KCNH5: variants seen among roughly 807,000 people sequenced by gnomAD.
KCNH5 encodes potassium voltage-gated channel subfamily H member 5, also known as voltage-gated delayed rectifier potassium channel KCNH5.
In KCNH5, 46 loss-of-function variants were observed where a neutral mutation model predicts 96.1. The observed-to-expected ratio is 0.48, with a 90% CI of 0.38 to 0.61. The LOEUF is 0.61. Ranked by LOEUF, KCNH5 falls within the 20% of genes least tolerant of loss-of-function variation. KCNH5 has a pLI of 0.00. For missense variants in KCNH5, 907 were observed against 1,225.8 expected (o/e 0.74, Z 3.88); for synonymous variants, 439 against 449.8 (o/e 0.98, Z 0.30).
At chr14:62,995,477 A>T (rs902607307) in intron 4 of KCNH5, among the ~76,000 whole-genome samples, 3 of 152,108 alleles carry the variant, frequency 2.0e-5, no homozygotes, top group African/African-American at 7.2e-5. Flanking sequence ...TATTCACTTG[A>T]CCAAATTTCA....
intron 2 of KCNH5, among the ~76,000 whole-genome samples, chr14:63,012,372 C>T (rs1325857757): frequency 6.6e-6 from 1 of 152,136 alleles, no homozygotes. Flanking sequence ...GAGACAATAC[C>T]TAGCACACAT....
chr14:62,709,285 G>C, intron 10 of KCNH5, among the ~76,000 whole-genome samples: 1 of 143,336 alleles, frequency 7.0e-6, no homozygotes, highest in African/African-American at 2.5e-5. Context: ...GTATCAGATA[G>C]TAAGAATTCC....
intron 5 of KCNH5, among the ~76,000 whole-genome samples, chr14:62,986,026 T>G (rs1566731067): frequency 6.6e-6 from 1 of 152,186 alleles, no homozygotes; most frequent in Non-Finnish European, 1.5e-5. Flanking sequence ...TATTAACAAA[T>G]GTGTTCACTC....
At chr14:62,803,515 G>A (rs983627624) in intron 8 of KCNH5, among the ~76,000 whole-genome samples, 7 of 152,146 alleles carry the variant, frequency 4.6e-5, no homozygotes, top group African/African-American at 2.4e-5. Flanking sequence ...GGCAGGGTGG[G>A]TATGTTATTT....
intron 7 of KCNH5, among the ~76,000 whole-genome samples, chr14:62,945,428 A>G (rs562462182): frequency 3.1e-4 from 47 of 152,202 alleles, no homozygotes; most frequent in Non-Finnish European, 4.7e-4. Flanking sequence ...ATTCAAGGAC[A>G]GAAGATCTTC....
intron 10 of KCNH5, among the ~76,000 whole-genome samples, chr14:62,740,215 G>A (rs193012394): frequency 4.6e-5 from 7 of 152,186 alleles, no homozygotes; most frequent in East Asian, 3.9e-4. Context: ...CACAATATAC[G>A]GATGATGTGT....
At chr14:62,837,754 T>G (rs1388250415) in intron 8 of KCNH5, among the ~76,000 whole-genome samples, 1 of 152,192 alleles carries the variant, frequency 6.6e-6, no homozygotes, top group Non-Finnish European at 1.5e-5. Context: ...TCAAATTATA[T>G]GAATCAGTAA....
At chr14:62,714,988 G>A (rs961423911) in intron 10 of KCNH5, among the ~76,000 whole-genome samples, 2 of 152,074 alleles carry the variant, frequency 1.3e-5, no homozygotes, top group Admixed American at 6.6e-5. Context: ...TCAGCAAAGA[G>A]GTTTATTTCA....
intron 9 of KCNH5, among the ~76,000 whole-genome samples, chr14:62,786,744 C>T (rs1369265308): frequency 6.6e-6 from 1 of 152,084 alleles, no homozygotes; most frequent in Admixed American, 6.6e-5. Flanking sequence ...GTAATTCTCA[C>T]AGTATTTCTA....
chr14:62,986,753 C>G (rs958299817), intron 5 of KCNH5, among the ~76,000 whole-genome samples: 3 of 152,100 alleles, frequency 2.0e-5, no homozygotes. Context: ...TTGCAGAGTG[C>G]CAAGCACAGA....
rs142545255 is a variant in KCNH5, at chr14:62,977,145, C to T, written c.942+3727G>A. ...CAACACTTTGGGAGGCTGAGATGGG[C>T]GGATCACTTGAGGTCAGGAGTTCAA... is the stretch of plus-strand genomic sequence containing the variant. On this transcript the variant is annotated intron_variant, in intron 6 of 10. Transcript: ENST00000322893. Among the ~76,000 whole-genome samples, 535 of 152,046 alleles carry T rather than the reference C, an allele frequency of 3.5e-3. 4 individuals carry two copies. Among genetic ancestry groups the T allele is most frequent in the African/African-American group, 0.012 (510 of 41,466 alleles).
At chr14:62,982,990 T>A (rs7142940) in intron 5 of KCNH5, among the ~76,000 whole-genome samples, 1 of 151,984 alleles carries the variant, frequency 6.6e-6, no homozygotes, top group African/African-American at 2.4e-5. Flanking sequence ...GCTTTTCAAC[T>A]ACTGGCCTGT....
rs753288820 is a variant in KCNH5 at position 62,908,837 on chromosome 14, G to GTA, written c.1369+41294_1369+41295dup. On this transcript the variant is annotated intron_variant, in intron 7 of 10. Transcript: ENST00000322893. Reference sequence around the variant, plus strand: ...TTGCTGTAATAAATCTTAGTCATGAGTATCACAATATGGAGTCCTGTGACT... The same window carrying GTA: ...TTGCTGTAATAAATCTTAGTCATGAGTATATCACAATATGGAGTCCTGTGACT... Among the ~76,000 whole-genome samples the GTA allele has an allele frequency of 6.0e-5, 6 of 99,890 alleles. No homozygotes were observed. The East Asian group carries it at 1.7e-3, about 29-fold the overall frequency. 65.5% of individuals were successfully genotyped at this position (99,890 alleles called of 152,430 possible).
intron 7 of KCNH5, among the ~76,000 whole-genome samples, chr14:62,907,881 T>A (rs1432306601): frequency 6.6e-6 from 1 of 152,136 alleles, no homozygotes. Flanking sequence ...CAACCAATAG[T>A]CGATGTTCTC....
Position 62,980,994 on chromosome 14 carries a change from C to T in KCNH5, c.820G>A (p.Gly274Ser), listed in dbSNP as rs182494425. 2.2e-5 allele frequency: 35 copies of T among 1,614,088 alleles called. No individual in the cohort carries two copies. The highest frequency in any genetic ancestry group is 2.9e-5 in the Non-Finnish European group (34 of 1,180,016). ...LNFHTTFVGPGGEVISDPKLI... is the reference protein window; with the variant it reads ...LNFHTTFVGPSGEVISDPKLI... ...TTAGGGTCAGAAATGACCTCTCCACCGGGCCCCACGAAAGTCGTGTGAAAA... is the reference window on the plus strand; with the variant it reads ...TTAGGGTCAGAAATGACCTCTCCACTGGGCCCCACGAAAGTCGTGTGAAAA... The change falls in exon 6 of 11, where the codon GGT (glycine) becomes AGT (serine). Residue 274 changes from glycine to serine, a missense_variant. By Grantham distance (56) the Gly-to-Ser change is moderately conservative. Around this residue, in one of 6 missense-constraint regions of KCNH5, gnomAD observed 370 missense variants for 561.3 expected, o/e 0.66. Coordinates refer to ENST00000322893, the MANE Select transcript of KCNH5 (RefSeq NM_139318.5).
At chr14:62,938,573 G>A (rs1464842046) in intron 7 of KCNH5, among the ~76,000 whole-genome samples, 5 of 152,036 alleles carry the variant, frequency 3.3e-5, no homozygotes, top group East Asian at 1.9e-4. Context: ...TGAGTCTTTC[G>A]GCCTGTGAAA....
chr14:62,817,263 T>C (rs984858064), intron 8 of KCNH5, among the ~76,000 whole-genome samples: 10 of 134,162 alleles, frequency 7.5e-5, no homozygotes, highest in African/African-American at 2.2e-4. Context: ...ATATATATAA[T>C]ATATATATAT....
At chr14:62,887,508 G>C (rs1201850118) in intron 7 of KCNH5, among the ~76,000 whole-genome samples, 3 of 152,090 alleles carry the variant, frequency 2.0e-5, no homozygotes, top group African/African-American at 7.2e-5. Context: ...TTTAACAAAA[G>C]AAGTGTCTAA....
intron 7 of KCNH5, among the ~76,000 whole-genome samples, chr14:62,937,817 C>G (rs144953244): frequency 3.3e-5 from 5 of 152,220 alleles, no homozygotes; most frequent in Non-Finnish European, 7.4e-5. Context: ...AGCAAAAGGG[C>G]ACAGGATGAA....
Sources: allele counts gnomAD v4.1 joint callset (sites outside exome capture counted in the v4.1 genomes callset), GRCh38; gene constraint gnomAD v4.1.1; regional missense constraint gnomAD v4.1.1; transcripts MANE v1.5; gene names NCBI Gene and HGNC (gene_info 2026-07-23, HGNC 2026-07-21).